AOPEP: variants seen among roughly 807,000 people sequenced by gnomAD.
AOPEP encodes the protein aminopeptidase O (putative).
In AOPEP, 77 loss-of-function variants were observed where a neutral mutation model predicts 98.1. The ratio of observed to expected loss-of-function variants is 0.78; its 90% CI spans 0.65 to 0.95. The LOEUF (loss-of-function observed/expected upper bound fraction) is 0.95. AOPEP is among the 40% of genes least tolerant of loss of function. The pLI is 0.00. For missense variants in AOPEP, 1,024 were observed against 1,024.7 expected, an observed-to-expected ratio of 1.00 and a Z score of 0.01; for synonymous variants, 346 against 365.3, an observed-to-expected ratio of 0.95 and a Z score of 0.60.
At chr9:94,958,886 C>T (rs2058639850) in intron 9 of AOPEP, among the ~76,000 whole-genome samples, 1 of 151,886 alleles carries the variant, frequency 6.6e-6, no homozygotes, top group Admixed American at 6.6e-5. Context: ...TTGATGAAGT[C>T]CAATGTATCT....
chr9:94,824,461 G>A (rs1160541139), intron 5 of AOPEP: 1 of 152,198 alleles, frequency 6.6e-6, no homozygotes, highest in Non-Finnish European at 1.5e-5. Flanking sequence ...TAACTTTCAG[G>A]TGGAACCAGA....
At chr9:95,024,760 C>T (rs1407003103) in intron 13 of AOPEP, among the ~76,000 whole-genome samples, 2 of 152,160 alleles carry the variant, frequency 1.3e-5, no homozygotes, top group East Asian at 3.9e-4. Flanking sequence ...TATAGCGTTT[C>T]CGATTTCCTG....
intron 10 of AOPEP, among the ~76,000 whole-genome samples, chr9:94,973,579 C>T (rs2059658332): frequency 2.0e-5 from 3 of 152,190 alleles, no homozygotes; most frequent in Admixed American, 2.0e-4. Flanking sequence ...CACTCAGAGT[C>T]GCCCTATAGG....
chr9:95,014,310 A>T (rs1009019154), intron 13 of AOPEP, among the ~76,000 whole-genome samples: 1 of 151,960 alleles, frequency 6.6e-6, no homozygotes, highest in Non-Finnish European at 1.5e-5. Flanking sequence ...CTAGAAAAAA[A>T]AAAGAACACA....
chr9:95,014,767 C>CTGGGT (rs2062844771), intron 13 of AOPEP, among the ~76,000 whole-genome samples: 1 of 152,154 alleles, frequency 6.6e-6, no homozygotes, highest in African/African-American at 2.4e-5. Flanking sequence ...ACTCAGAACT[C>CTGGGT]TGGGTTTACA....
chr9:95,115,886 C>A, the AOPEP span, among the ~76,000 whole-genome samples: 6 of 152,198 alleles, frequency 3.9e-5, no homozygotes, highest in African/African-American at 1.4e-4. Flanking sequence ...CTCTTTTACA[C>A]CCCTCTCCCG....
At chr9:94,951,849 G>A (rs187632079) in intron 7 of AOPEP, among the ~76,000 whole-genome samples, 18 of 152,296 alleles carry the variant, frequency 1.2e-4, no homozygotes, top group Admixed American at 3.3e-4. Context: ...CAGGCTTGTG[G>A]GGAAGAGGTG....
chr9:94,908,517 G>A (rs2051511982), intron 5 of AOPEP, among the ~76,000 whole-genome samples: 2 of 152,224 alleles, frequency 1.3e-5, no homozygotes, highest in African/African-American at 2.4e-5. Context: ...TTTGTGGGAT[G>A]TTTGCTGCGT....
intron 7 of AOPEP, among the ~76,000 whole-genome samples, chr9:94,931,198 A>G (rs1341884580): frequency 2.6e-5 from 4 of 152,140 alleles, no homozygotes; most frequent in East Asian, 1.9e-4. Flanking sequence ...GCCTGAGTCA[A>G]CCAAGCTTCT....
At chr9:95,082,091 C>G (rs1443778450) in intron 15 of AOPEP, among the ~76,000 whole-genome samples, 2 of 152,076 alleles carry the variant, frequency 1.3e-5, no homozygotes, top group African/African-American at 2.4e-5. Context: ...CGTGATGTGT[C>G]TCTGCCGCGG....
At chr9:95,017,394 A>G (rs530101506) in intron 13 of AOPEP, among the ~76,000 whole-genome samples, 28 of 152,230 alleles carry the variant, frequency 1.8e-4, no homozygotes, top group Non-Finnish European at 3.4e-4. Context: ...ACTGCAAGCA[A>G]TTGTAACACA....
At chr9:94,863,547 T>C (rs1300834954) in intron 5 of AOPEP, among the ~76,000 whole-genome samples, 2 of 151,788 alleles carry the variant, frequency 1.3e-5, no homozygotes, top group Non-Finnish European at 2.9e-5. Context: ...TCCCAAAGTG[T>C]TGGGATTACA....
At chr9:94,735,753 A>G (rs947340164) in intron 1 of AOPEP, among the ~76,000 whole-genome samples, 2 of 152,232 alleles carry the variant, frequency 1.3e-5, no homozygotes, top group Non-Finnish European at 2.9e-5. Context: ...TTGTGCAACC[A>G]TCACCACTGT....
At chr9:94,927,173 G>A (rs1370078105) in intron 6 of AOPEP, among the ~76,000 whole-genome samples, 1 of 152,144 alleles carries the variant, frequency 6.6e-6, no homozygotes, top group Non-Finnish European at 1.5e-5. Flanking sequence ...TGTGCATGCA[G>A]AGAGAAAGTA....
At chr9:94,824,903 C>T (rs1854151210) in intron 5 of AOPEP, 1 of 124,030 alleles carries the variant, frequency 8.1e-6, no homozygotes, top group Non-Finnish European at 1.6e-5. Context: ...CATTTGACAA[C>T]AGCATTTTCC....
At chr9:94,851,871 G>A (rs1373634978) in intron 5 of AOPEP, among the ~76,000 whole-genome samples, 1 of 151,188 alleles carries the variant, frequency 6.6e-6, no homozygotes, top group Non-Finnish European at 1.5e-5. Context: ...TATTTGGTAT[G>A]GGGTACAGCC....
At chr9:94,899,121 GA>G (rs1474301964) in intron 5 of AOPEP, among the ~76,000 whole-genome samples, 2 of 144,882 alleles carry the variant, frequency 1.4e-5, no homozygotes, top group African/African-American at 5.0e-5. Context: ...CCTTGGAGGA[GA>G]AAAAGTCCAA....
intron 3 of AOPEP, among the ~76,000 whole-genome samples, chr9:94,775,430 C>T (rs1222894140): frequency 2.0e-5 from 3 of 150,308 alleles, no homozygotes; most frequent in East Asian, 2.0e-4. Context: ...AGTGCAATGG[C>T]GCGATCTCTG....
rs72750352 is a variant in AOPEP at position 94,980,685 on chromosome 9, C to A, written c.1977+1258C>A. Among the ~76,000 whole-genome samples the A allele has an allele frequency of 0.13, 20,023 of 152,096 alleles. 3,412 individuals carry two copies. Among genetic ancestry groups the A allele is most frequent in the African/African-American group, 0.4 (16,407 of 41,444 alleles). On this transcript the variant is annotated intron_variant, in intron 11 of 16. Coordinates refer to ENST00000375315, the MANE Select transcript of AOPEP (RefSeq NM_001193329.3). This position sits in a 1 kb window ranked among gnomAD's most constrained non-coding sequence, Gnocchi z 4.3. Reference sequence around the variant, plus strand: ...CCTTCTGGGAGGAAAAAAGAAAAAACATCCCGAGTTTTACAAATAAAACAG... The same window carrying A: ...CCTTCTGGGAGGAAAAAAGAAAAAAAATCCCGAGTTTTACAAATAAAACAG...
Sources: allele counts gnomAD v4.1 joint callset (sites outside exome capture counted in the v4.1 genomes callset), GRCh38; gene constraint gnomAD v4.1.1; non-coding constraint Gnocchi (gnomAD v3.1); transcripts MANE v1.5; gene names NCBI Gene and HGNC (gene_info 2026-07-23, HGNC 2026-07-21).